ADGRL3: variants seen among roughly 807,000 people sequenced by gnomAD.
ADGRL3 encodes the protein adhesion G protein-coupled receptor L3, also known as calcium-independent alpha-latrotoxin receptor 3.
Under a neutral mutation model 153.5 loss-of-function variants are expected in ADGRL3, and 62 were observed. That is an observed-to-expected ratio of 0.40 (90% CI 0.33 to 0.50). The LOEUF is 0.50. Among genes scored for constraint, ADGRL3 ranks in the 20% least tolerant of loss-of-function variants. The probability of loss-of-function intolerance (pLI) is 0.47; values close to 1 mark genes in which losing one functional copy is unlikely to be tolerated. For synonymous variants in ADGRL3, 710 were observed against 672.5 expected (o/e 1.06, Z -0.86); for missense variants, 1,641 against 1,859.4 (o/e 0.88, Z 2.16).
Position 62,070,027 on chromosome 4 carries a change from G to A in ADGRL3, c.3833-82G>A, listed in dbSNP as rs1745018714. 5.5e-6 allele frequency: 6 copies of A among 1,095,962 alleles called. No individual in the cohort carries two copies. The Admixed American group carries it at 1.1e-4, about 20-fold the overall frequency. The allele number at this position is 1,095,962 out of a possible 1,614,324, so 67.9% of individuals were successfully genotyped here. On this transcript the variant is annotated intron_variant, in intron 26 of 26. Transcript: ENST00000683033. ...AATTTATACATATTTCATAGTCAAT[G>A]AATGTTTTTGCTTCTGTGTTTGTGT...
At chr4:61,704,757 A>C (rs74785055) in intron 6 of ADGRL3, among the ~76,000 whole-genome samples, 1,956 of 152,252 alleles carry the variant, frequency 0.013, 51 homozygotes, top group African/African-American at 0.044. Flanking sequence ...TTATCAACTA[A>C]ATTTATGTAA....
At chr4:61,321,968 G>T (rs2095365526) in intron 1 of ADGRL3, among the ~76,000 whole-genome samples, 1 of 152,136 alleles carries the variant, frequency 6.6e-6, no homozygotes, top group Non-Finnish European at 1.5e-5. Flanking sequence ...AAAACCCACT[G>T]TATTAGTCCA....
intron 13 of ADGRL3, among the ~76,000 whole-genome samples, chr4:61,925,822 A>G (rs2098791939): frequency 1.3e-5 from 2 of 152,220 alleles, no homozygotes; most frequent in African/African-American, 4.8e-5. Flanking sequence ...AAAATATCCA[A>G]ACTATCTCAT....
chr4:61,338,049 C>T (rs1443211960), intron 1 of ADGRL3, among the ~76,000 whole-genome samples: 3 of 151,908 alleles, frequency 2.0e-5, no homozygotes, highest in Admixed American at 2.0e-4. Context: ...CGGATCACTT[C>T]AGGCCAGGAG....
Position 62,072,794 on chromosome 4 carries a change from G to A in ADGRL3, c.*1886G>A, listed in dbSNP as rs1364563278. ...AATCAGAGATATAAATATGAAATTT[G>A]GGGGCTGGGTGAGTCATATTTTTTC... On this transcript the variant is annotated 3_prime_UTR_variant, in exon 27 of 27. Transcript: ENST00000683033. 1 of 152,088 alleles carries A rather than the reference G, an allele frequency of 6.6e-6. No homozygotes were observed. The highest frequency in any genetic ancestry group is 6.6e-5 in the Admixed American group (1 of 15,266). 9.4% of individuals were successfully genotyped at this position (152,088 alleles called of 1,614,324 possible).
chr4:61,507,872 A>G (rs1174289036), intron 3 of ADGRL3, among the ~76,000 whole-genome samples: 1 of 152,312 alleles, frequency 6.6e-6, no homozygotes, highest in African/African-American at 2.4e-5. Context: ...AATTGGCAGT[A>G]TGATTAAGGT....
chr4:61,904,279 G>T (rs191076720), intron 11 of ADGRL3, among the ~76,000 whole-genome samples: 41 of 150,346 alleles, frequency 2.7e-4, no homozygotes, highest in African/African-American at 9.5e-4. Flanking sequence ...TTATAAAACT[G>T]CACTGTTGTT....
At chr4:61,466,788 A>G (rs1428722359) in intron 2 of ADGRL3, among the ~76,000 whole-genome samples, 1 of 152,162 alleles carries the variant, frequency 6.6e-6, no homozygotes, top group African/African-American at 2.4e-5. Flanking sequence ...AATGGGATTA[A>G]AAATCAAACA....
At chr4:61,348,813 T>C (rs1250655470) in intron 1 of ADGRL3, among the ~76,000 whole-genome samples, 1 of 152,052 alleles carries the variant, frequency 6.6e-6, no homozygotes, top group African/African-American at 2.4e-5. Flanking sequence ...TAGTGGTTAA[T>C]ATTTTAAATA....
At chr4:61,668,352 G>C (rs757141450) in intron 5 of ADGRL3, among the ~76,000 whole-genome samples, 1 of 152,174 alleles carries the variant, frequency 6.6e-6, no homozygotes, top group African/African-American at 2.4e-5. Context: ...CAGCATCTTG[G>C]TTTTAGCAAG....
At chr4:61,539,747 C>A (rs1426887110) in intron 4 of ADGRL3, among the ~76,000 whole-genome samples, 1 of 152,126 alleles carries the variant, frequency 6.6e-6, no homozygotes. Context: ...CAAAGGCAGA[C>A]TTTCTCCCCG....
intron 4 of ADGRL3, among the ~76,000 whole-genome samples, chr4:61,540,472 C>T (rs1371675129): frequency 1.3e-5 from 2 of 151,946 alleles, no homozygotes; most frequent in African/African-American, 4.8e-5. Context: ...TCACTTGAAC[C>T]CACAAGGCGG....
intron 8 of ADGRL3, among the ~76,000 whole-genome samples, chr4:61,807,545 G>C (rs911518273): frequency 6.6e-6 from 1 of 152,018 alleles, no homozygotes; most frequent in Non-Finnish European, 1.5e-5. Context: ...TAAATATAAA[G>C]CATTTCTCAC....
intron 1 of ADGRL3, among the ~76,000 whole-genome samples, chr4:61,252,986 G>A (rs1313655298): frequency 6.6e-6 from 1 of 152,130 alleles, no homozygotes; most frequent in African/African-American, 2.4e-5. Flanking sequence ...GTTAAGGTGT[G>A]TCATGCATGT....
At chr4:61,743,572 C>T (rs2151944874) in intron 8 of ADGRL3, among the ~76,000 whole-genome samples, 1 of 152,150 alleles carries the variant, frequency 6.6e-6, no homozygotes, top group South Asian at 2.1e-4. Context: ...CATGGCAAAT[C>T]TTTCAATATC....
chr4:61,945,499 G>T (rs1377593495), intron 15 of ADGRL3, among the ~76,000 whole-genome samples: 58 of 133,144 alleles, frequency 4.4e-4, no homozygotes, highest in East Asian at 1.4e-3. Flanking sequence ...GTTTACCTAA[G>T]CAAGCCTGGG....
At chr4:61,854,302 C>T (rs1213557010) in intron 9 of ADGRL3, among the ~76,000 whole-genome samples, 1 of 152,094 alleles carries the variant, frequency 6.6e-6, no homozygotes, top group Non-Finnish European at 1.5e-5. Flanking sequence ...ACACCAGCCT[C>T]CTTGGAGGAA....
intron 4 of ADGRL3, among the ~76,000 whole-genome samples, chr4:61,518,905 G>A (rs966565472): frequency 6.6e-6 from 1 of 152,000 alleles, no homozygotes; most frequent in African/African-American, 2.4e-5. Flanking sequence ...TTCTAAATTG[G>A]ATGGGCTTTT....
intron 13 of ADGRL3, 149 bp from the exon 14 acceptor site, chr4:61,934,691 G>A (rs1348485922): frequency 3.5e-6 from 2 of 567,008 alleles, no homozygotes; most frequent in Non-Finnish European, 6.3e-6. Context: ...GAATGCTTCT[G>A]CTGCAGCATG....
Sources: allele counts gnomAD v4.1 joint callset (sites outside exome capture counted in the v4.1 genomes callset), GRCh38; gene constraint gnomAD v4.1.1; transcripts MANE v1.5; gene names NCBI Gene and HGNC (gene_info 2026-07-23, HGNC 2026-07-21).